Variants in MAGI2 observed in about 807,000 individuals in gnomAD.
MAGI2 encodes membrane associated guanylate kinase, WW and PDZ domain containing 2.
A neutral mutation model predicts 133.3 loss-of-function variants in MAGI2; 35 were observed. The observed-to-expected ratio is 0.26, with a 90% CI of 0.20 to 0.35. The LOEUF is 0.35. Among genes scored for constraint, MAGI2 ranks in the 10% least tolerant of loss-of-function variants. The probability of loss-of-function intolerance (pLI) is 1.00; values close to 1 mark genes in which losing one functional copy is unlikely to be tolerated. For missense variants in MAGI2, 1,636 were observed against 1,863.4 expected, an observed-to-expected ratio of 0.88 and a Z score of 2.25; for synonymous variants, 729 against 710.6, an observed-to-expected ratio of 1.03 and a Z score of -0.41.
At chr7:78,847,589 A>C (rs188996951) in intron 2 of MAGI2, among the ~76,000 whole-genome samples, 1 of 152,048 alleles carries the variant, frequency 6.6e-6, no homozygotes, top group Admixed American at 6.6e-5. Context: ...TCGAGGTACA[A>C]CCATGAAATT....
chr7:79,088,595 A>T (rs191130342), intron 1 of MAGI2, among the ~76,000 whole-genome samples: 1 of 152,126 alleles, frequency 6.6e-6, no homozygotes, highest in Admixed American at 6.6e-5. Flanking sequence ...GCTGGTTTTC[A>T]AAGAGAATAC....
chr7:78,029,203 C>A (rs1215614398), intron 21 of MAGI2, among the ~76,000 whole-genome samples: 3 of 152,174 alleles, frequency 2.0e-5, no homozygotes, highest in South Asian at 4.1e-4. Context: ...CTTGGTATAA[C>A]TCACGAGAGG....
At chr7:78,484,776 G>A (rs1372036793) in intron 6 of MAGI2, 1 of 151,948 alleles carries the variant, frequency 6.6e-6, no homozygotes, top group African/African-American at 2.4e-5. Flanking sequence ...AATTTATGGT[G>A]CTAGTCATTG....
At chr7:78,484,263 T>A (rs1176011587) in intron 6 of MAGI2, 1 of 152,002 alleles carries the variant, frequency 6.6e-6, no homozygotes, top group Non-Finnish European at 1.5e-5. Context: ...AACATCCTGT[T>A]TAATATGTAT....
chr7:78,200,241 C>T (rs1829113262), intron 11 of MAGI2, among the ~76,000 whole-genome samples: 1 of 152,096 alleles, frequency 6.6e-6, no homozygotes, highest in Non-Finnish European at 1.5e-5. Flanking sequence ...CAGTTAGGGC[C>T]GAGTATTCTA....
intron 7 of MAGI2, among the ~76,000 whole-genome samples, chr7:78,352,146 G>A (rs765662489): frequency 6.6e-6 from 1 of 152,106 alleles, no homozygotes; most frequent in Non-Finnish European, 1.5e-5. Flanking sequence ...ATCATTCATC[G>A]CATATTTATT....
chr7:78,299,752 C>T (rs1797667357), intron 9 of MAGI2, among the ~76,000 whole-genome samples: 1 of 152,056 alleles, frequency 6.6e-6, no homozygotes, highest in African/African-American at 2.4e-5. Flanking sequence ...TCCTCTCCCT[C>T]CTCTCAACCC....
intron 12 of MAGI2, among the ~76,000 whole-genome samples, chr7:78,187,739 T>G (rs770981881): frequency 2.6e-5 from 4 of 152,168 alleles, no homozygotes; most frequent in Non-Finnish European, 5.9e-5. Flanking sequence ...AGAAATGTCC[T>G]TTTGTCTGTA....
chr7:79,282,252 C>A (rs1323568624), intron 1 of MAGI2, among the ~76,000 whole-genome samples: 2 of 152,150 alleles, frequency 1.3e-5, no homozygotes, highest in African/African-American at 4.8e-5. Flanking sequence ...CCTCTGGTGG[C>A]AGAACATTCA....
chr7:78,340,235 T>C (rs945421617), intron 9 of MAGI2, among the ~76,000 whole-genome samples: 1 of 152,200 alleles, frequency 6.6e-6, no homozygotes. Context: ...AGAGATATAG[T>C]TATTGTACTT....
In MAGI2 at chr7:78,818,886, A is replaced by G. The variant is rs111372260; in HGVS notation, c.418+188204T>C. 8.1e-3 allele frequency among the ~76,000 whole-genome samples: 1,236 copies of G among 152,276 alleles called. 15 individuals are homozygous for G. The highest frequency in any genetic ancestry group is 0.027 in the African/African-American group (1,121 of 41,578). ...TGACATATGAGGGGTACTATTACAC[A>G]GCTTACATCAATTCTCAGAACACTA... On this transcript the variant is annotated intron_variant, in intron 2 of 21. Coordinates refer to ENST00000354212, the MANE Select transcript of MAGI2 (RefSeq NM_012301.4).
chr7:78,286,170 A>G (rs1233031880), intron 9 of MAGI2, among the ~76,000 whole-genome samples: 1 of 152,072 alleles, frequency 6.6e-6, no homozygotes, highest in Non-Finnish European at 1.5e-5. Flanking sequence ...AAAAATTTGA[A>G]AGCTCCTTTC....
intron 20 of MAGI2, 90 bp downstream of exon 20, chr7:78,125,604 C>T (rs1263330203): frequency 2.3e-5 from 32 of 1,404,522 alleles, no homozygotes; most frequent in African/African-American, 2.9e-5. Context: ...ACAGCAACCC[C>T]GCTTGACAGC....
chr7:78,897,955 C>T (rs1797336429), intron 2 of MAGI2, among the ~76,000 whole-genome samples: 1 of 152,124 alleles, frequency 6.6e-6, no homozygotes. Context: ...GAGCAAAGGT[C>T]TAATATCGAG....
chr7:78,613,408 C>A (rs1048630812), intron 3 of MAGI2, among the ~76,000 whole-genome samples: 4 of 152,074 alleles, frequency 2.6e-5, no homozygotes, highest in Admixed American at 2.0e-4. Context: ...GAAGAAAAAA[C>A]ATATTAATTT....
At chr7:79,380,525 C>T (rs1843701664) in intron 1 of MAGI2, among the ~76,000 whole-genome samples, 1 of 151,728 alleles carries the variant, frequency 6.6e-6, no homozygotes, top group African/African-American at 2.4e-5. Context: ...AGTTTGTTGC[C>T]CCACTTGACA....
chr7:79,415,744 G>A (rs1480458794), intron 1 of MAGI2: 1 of 152,074 alleles, frequency 6.6e-6, no homozygotes, highest in Non-Finnish European at 1.5e-5. Flanking sequence ...TTATAAAATG[G>A]TTCTATCTAT....
intron 2 of MAGI2, among the ~76,000 whole-genome samples, chr7:78,651,099 G>A (rs1318849940): frequency 2.0e-5 from 3 of 152,100 alleles, no homozygotes; most frequent in African/African-American, 7.2e-5. Flanking sequence ...CTCATGTCAT[G>A]TTATTTCAAA....
intron 1 of MAGI2, among the ~76,000 whole-genome samples, chr7:79,012,498 A>G (rs1301814554): frequency 6.6e-6 from 1 of 152,082 alleles, no homozygotes; most frequent in African/African-American, 2.4e-5. Context: ...GCTTCCCAGG[A>G]GAGAGTGTTT....
Sources: gnomAD v4.1 joint callset for allele counts (sites outside exome capture counted in the v4.1 genomes callset) on GRCh38, gnomAD v4.1.1 for gene constraint, MANE v1.5 for transcripts, NCBI Gene and HGNC (gene_info 2026-07-23, HGNC 2026-07-21) for gene names.